Variants in PLXDC2 observed in about 807,000 individuals in gnomAD.
PLXDC2 encodes the protein plexin domain-containing protein 2.
In PLXDC2, 40 loss-of-function variants were observed where a neutral mutation model predicts 68.9. The ratio of observed to expected loss-of-function variants is 0.58; its 90% CI spans 0.45 to 0.76. The LOEUF (loss-of-function observed/expected upper bound fraction) is 0.76. Ranked by LOEUF, PLXDC2 falls within the 30% of genes least tolerant of loss-of-function variation. PLXDC2 has a pLI of 0.00. For missense variants in PLXDC2, 644 were observed against 661.9 expected, an observed-to-expected ratio of 0.97 and a Z score of 0.30; for synonymous variants, 243 against 234.2, an observed-to-expected ratio of 1.04 and a Z score of -0.34.
chr10:20,043,626 G>T (rs1835724220), intron 2 of PLXDC2, among the ~76,000 whole-genome samples: 1 of 152,060 alleles, frequency 6.6e-6, no homozygotes, highest in East Asian at 1.9e-4. Context: ...GGGAAATTTT[G>T]CAGCATCATA....
intron 1 of PLXDC2, among the ~76,000 whole-genome samples, chr10:19,966,574 A>T (rs1025515873): frequency 6.6e-6 from 1 of 151,954 alleles, no homozygotes. Context: ...GTGAAATGTC[A>T]TTAAAGGAGC....
At chr10:19,966,254 A>G (rs1369778445) in intron 1 of PLXDC2, among the ~76,000 whole-genome samples, 1 of 121,908 alleles carries the variant, frequency 8.2e-6, no homozygotes, top group African/African-American at 4.0e-5. Context: ...ATATGTGTAT[A>G]TAGTATGTGT....
intron 3 of PLXDC2, among the ~76,000 whole-genome samples, chr10:20,059,648 A>T (rs149379321): frequency 6.6e-6 from 1 of 152,132 alleles, no homozygotes; most frequent in East Asian, 1.9e-4. Flanking sequence ...CTGTTTGTAT[A>T]TTTGTGTATT....
chr10:20,056,506 A>G (rs187822374), intron 3 of PLXDC2, among the ~76,000 whole-genome samples: 26 of 152,194 alleles, frequency 1.7e-4, no homozygotes, highest in Non-Finnish European at 1.5e-5. Flanking sequence ...TGACATAATT[A>G]CATAAATACA....
At chr10:20,274,738 A>G (rs1438983416) in intron 13 of PLXDC2, among the ~76,000 whole-genome samples, 1 of 152,182 alleles carries the variant, frequency 6.6e-6, no homozygotes, top group Non-Finnish European at 1.5e-5. Flanking sequence ...GCAAAGAGAT[A>G]CAGCCACACA....
intron 13 of PLXDC2, among the ~76,000 whole-genome samples, chr10:20,271,146 C>CACACACACACACAT (rs1835935713): frequency 6.6e-6 from 1 of 151,506 alleles, no homozygotes; most frequent in Non-Finnish European, 1.5e-5. Context: ...CACACACACA[C>CACACACACACACAT]ACACACACAC....
intron 2 of PLXDC2, among the ~76,000 whole-genome samples, chr10:20,009,438 CA>C (rs1270081747): frequency 6.6e-6 from 1 of 151,858 alleles, no homozygotes; most frequent in African/African-American, 2.4e-5. Context: ...CATGTGGCTG[CA>C]AAATCAGAAA....
intron 1 of PLXDC2, among the ~76,000 whole-genome samples, chr10:19,832,590 C>A (rs1276800821): frequency 1.3e-5 from 2 of 152,152 alleles, no homozygotes; most frequent in East Asian, 3.8e-4. Context: ...TAACCTTTTC[C>A]TCCACCAGGG....
At chr10:20,246,280 GTGTC>G (rs1235706381) in intron 13 of PLXDC2, among the ~76,000 whole-genome samples, 3 of 152,236 alleles carry the variant, frequency 2.0e-5, no homozygotes, top group African/African-American at 7.2e-5. Context: ...TACAGTCTGT[GTGTC>G]TGTGTGACGA....
At chr10:20,159,694 T>C (rs1737145989) in intron 6 of PLXDC2, among the ~76,000 whole-genome samples, 1 of 152,200 alleles carries the variant, frequency 6.6e-6, no homozygotes, top group Non-Finnish European at 1.5e-5. Flanking sequence ...GATCTGCCCC[T>C]ACCACCTCCC....
chr10:19,982,383 G>A (rs963310676), intron 1 of PLXDC2, among the ~76,000 whole-genome samples: 14 of 152,062 alleles, frequency 9.2e-5, no homozygotes, highest in East Asian at 1.9e-4. Context: ...AGTATCCTCC[G>A]TCAAACACCT....
intron 1 of PLXDC2, among the ~76,000 whole-genome samples, chr10:19,931,098 C>G (rs1345515568): frequency 1.3e-5 from 2 of 151,946 alleles, no homozygotes; most frequent in Admixed American, 6.6e-5. Context: ...CCCGCAAACA[C>G]CCATGGGAAG....
At chr10:20,279,507 G>A (rs910649969) in intron 13 of PLXDC2, among the ~76,000 whole-genome samples, 196 bp from the exon 14 acceptor site, 5 of 152,192 alleles carry the variant, frequency 3.3e-5, no homozygotes, top group East Asian at 3.9e-4. Flanking sequence ...GGTAGATAGC[G>A]CCATCTTGGA....
chr10:20,139,103 G>A (rs951756647), intron 4 of PLXDC2, among the ~76,000 whole-genome samples: 2 of 152,076 alleles, frequency 1.3e-5, no homozygotes, highest in African/African-American at 2.4e-5. Context: ...TAAATGACTC[G>A]ATGAGGCTTA....
chr10:20,019,057 A>T (rs1835259293), intron 2 of PLXDC2, among the ~76,000 whole-genome samples: 1 of 152,226 alleles, frequency 6.6e-6, no homozygotes, highest in Non-Finnish European at 1.5e-5. Flanking sequence ...AGGCGAGAGG[A>T]TCCCTTTAGC....
At chr10:19,827,937 G>A (rs1028810126) in intron 1 of PLXDC2, among the ~76,000 whole-genome samples, 7 of 152,118 alleles carry the variant, frequency 4.6e-5, no homozygotes, top group Non-Finnish European at 1.0e-4. Flanking sequence ...GGAGAGCTGG[G>A]GAGGTTTTCT....
chr10:20,003,111 G>A (rs1028105190), intron 2 of PLXDC2, among the ~76,000 whole-genome samples: 1 of 152,136 alleles, frequency 6.6e-6, no homozygotes, highest in Non-Finnish European at 1.5e-5. Flanking sequence ...AGGCCTCAAA[G>A]GTGGTGTTAT....
At chr10:20,158,778 C>G (rs181730602) in intron 6 of PLXDC2, among the ~76,000 whole-genome samples, 15 of 152,068 alleles carry the variant, frequency 9.9e-5, no homozygotes, top group Non-Finnish European at 2.1e-4. Context: ...ACCCTGCAGA[C>G]TGGTCTCATG....
At chr10:20,160,576 T>C (rs1450001366) in intron 6 of PLXDC2, among the ~76,000 whole-genome samples, 2 of 152,182 alleles carry the variant, frequency 1.3e-5, no homozygotes, top group Admixed American at 1.3e-4. Context: ...GTTGGTCAGT[T>C]ATATATCAGA....
Sources: allele counts gnomAD v4.1 joint callset (sites outside exome capture counted in the v4.1 genomes callset), GRCh38; gene constraint gnomAD v4.1.1; transcripts MANE v1.5; gene names NCBI Gene and HGNC (gene_info 2026-07-23, HGNC 2026-07-21).